The following RXRG variants were observed in gnomAD, a reference collection of about 807,000 sequenced individuals.
The protein encoded by RXRG is retinoic acid receptor RXR-gamma.
In RXRG, 19 loss-of-function variants were observed where a neutral mutation model predicts 49.2. That is an observed-to-expected ratio of 0.39 (90% confidence interval 0.27 to 0.57). The LOEUF (loss-of-function observed/expected upper bound fraction) is 0.57, where lower values mean the gene tolerates loss of function less well. Among genes scored for constraint, RXRG ranks in the 20% least tolerant of loss-of-function variants. The pLI is 0.64. For missense variants in RXRG, 452 were observed against 592.5 expected (o/e 0.76, Z 2.46); for synonymous variants, 224 against 216.6 (o/e 1.03, Z -0.30).
intron 2 of RXRG, among the ~76,000 whole-genome samples, chr1:165,425,481 G>A (rs926064358): frequency 2.6e-5 from 4 of 152,180 alleles, no homozygotes; most frequent in Admixed American, 6.5e-5. Context: ...TAGTTATTGG[G>A]ATGAATGTCA....
intron 9 of RXRG, 77 bp downstream of exon 9, chr1:165,406,735 C>T: frequency 9.8e-7 from 1 of 1,024,406 alleles, no homozygotes; most frequent in South Asian, 1.3e-5. Flanking sequence ...ACAGTGCCTG[C>T]TGCACTTTAG....
intron 9 of RXRG, among the ~76,000 whole-genome samples, chr1:165,405,592 T>C (rs2101703301): frequency 6.6e-6 from 1 of 152,344 alleles, no homozygotes; most frequent in Admixed American, 6.5e-5. Flanking sequence ...TTCCATCATC[T>C]GGATGCAAAA....
At chr1:165,407,326 G>A (rs1158292716) in intron 8 of RXRG, among the ~76,000 whole-genome samples, 2 of 152,216 alleles carry the variant, frequency 1.3e-5, no homozygotes, top group East Asian at 3.8e-4. Flanking sequence ...TGGAGATAAA[G>A]CCTCTGCATG....
Position 165,401,184 on chromosome 1 carries a change from T to C in RXRG, c.*79A>G. 1 of 1,367,570 alleles carries C rather than the reference T, an allele frequency of 7.3e-7. No individual in the cohort carries two copies. The highest frequency in any genetic ancestry group is 1.0e-6 in the Non-Finnish European group (1 of 987,408). The allele number at this position is 1,367,570 out of a possible 1,614,324, so 84.7% of individuals were successfully genotyped here. A position where few individuals can be genotyped will look rare whatever the true frequency, so the allele number is the denominator to read the frequency against. On this transcript the variant is annotated 3_prime_UTR_variant, in exon 10 of 10. Coordinates refer to ENST00000359842, the MANE Select transcript of RXRG (RefSeq NM_006917.5). ...ACAGGAAGGGGGTCAGGGTGGGAGG[T>C]GGAGGAAAGTGCAGGGTGGGGGTCC...
chr1:165,417,328 G>A lies in RXRG; in HGVS notation c.443-108C>T, dbSNP rs1658158052. 6.6e-6 allele frequency: 7 copies of A among 1,058,986 alleles called. No homozygotes were observed. The South Asian group carries it at 1.2e-4, about 18-fold the overall frequency. The allele number at this position is 1,058,986 out of a possible 1,614,324, so 65.6% of individuals were successfully genotyped here. ...CCCAGAGAAACAGGCATATCACTTG[G>A]GCATTGGGACAGAAAGCAAATAATC... is the stretch of plus-strand genomic sequence containing the variant. On this transcript the variant is annotated intron_variant, in intron 3 of 9. Transcript: ENST00000359842.
intron 1 of RXRG, among the ~76,000 whole-genome samples, chr1:165,432,917 C>T (rs1658714456): frequency 6.6e-6 from 1 of 152,104 alleles, no homozygotes; most frequent in African/African-American, 2.4e-5. Flanking sequence ...TGGGTGTGTC[C>T]CTCCAAAATT....
At position 165,445,015 on chromosome 1, in the gene RXRG, G is replaced by T; in HGVS notation, c.-122C>A. ...TAACAAGAGTGGTCATCGCTTCCTAGCAGCCCGGGGAGCACAGGCTGGGCC... is the reference window on the plus strand; with the variant it reads ...TAACAAGAGTGGTCATCGCTTCCTATCAGCCCGGGGAGCACAGGCTGGGCC... On this transcript the variant is annotated 5_prime_UTR_variant, in exon 1 of 10. Coordinates refer to ENST00000359842, the MANE Select transcript of RXRG (RefSeq NM_006917.5). The T allele has an allele frequency of 1.2e-6, 1 of 858,618 alleles. No homozygotes were observed. The highest frequency in any genetic ancestry group is 2.0e-6 in the Non-Finnish European group (1 of 510,280). The allele number at this position is 858,618 out of a possible 1,614,324, so 53.2% of individuals were successfully genotyped here.
intron 1 of RXRG, among the ~76,000 whole-genome samples, chr1:165,429,294 G>T (rs1304672885): frequency 6.6e-6 from 1 of 152,176 alleles, no homozygotes; most frequent in Non-Finnish European, 1.5e-5. Flanking sequence ...GAGTGACTGA[G>T]GCCTGGGCCA....
At chr1:165,410,598 G>T in intron 6 of RXRG, 104 bp downstream of exon 6, 1 of 1,297,706 alleles carries the variant, frequency 7.7e-7, no homozygotes, top group Non-Finnish European at 1.1e-6. Context: ...CATCAGCATG[G>T]TACATAGCTT....
At chr1:165,440,169 G>A (rs1658937335) in intron 1 of RXRG, among the ~76,000 whole-genome samples, 1 of 152,210 alleles carries the variant, frequency 6.6e-6, no homozygotes, top group Admixed American at 6.5e-5. Context: ...TATAGTACAT[G>A]GTAGAGCTGG....
At chr1:165,425,566 G>A (rs564781606) in intron 2 of RXRG, among the ~76,000 whole-genome samples, 10 of 152,144 alleles carry the variant, frequency 6.6e-5, no homozygotes, top group South Asian at 4.1e-4. Flanking sequence ...GATTTTACTC[G>A]CCTTCCTGGA....
At chr1:165,424,500 G>A (rs895624718) in intron 2 of RXRG, among the ~76,000 whole-genome samples, 3 of 152,216 alleles carry the variant, frequency 2.0e-5, no homozygotes, top group African/African-American at 7.2e-5. Flanking sequence ...ATCAGGGCAA[G>A]TATTTGTAAC....
chr1:165,435,650 G>T (rs972395957), intron 1 of RXRG, among the ~76,000 whole-genome samples: 1 of 152,216 alleles, frequency 6.6e-6, no homozygotes, highest in African/African-American at 2.4e-5. Context: ...GGATCATAAT[G>T]CATTCTTTTC....
intron 1 of RXRG, among the ~76,000 whole-genome samples, chr1:165,442,495 T>C (rs890825867): frequency 6.6e-6 from 1 of 152,238 alleles, no homozygotes; most frequent in African/African-American, 2.4e-5. Flanking sequence ...CTTCCATAGC[T>C]GAACCATTGT....
In RXRG at chr1:165,444,864, C is replaced by T. The variant is rs369411424; in HGVS notation, c.30G>A (p.Lys10=). The T allele has an allele frequency of 3.1e-6, 5 of 1,614,090 alleles. No individual in the cohort carries two copies. The highest frequency in any genetic ancestry group is 4.2e-6 in the Non-Finnish European group (5 of 1,180,032). MYGNYSHFM[K]FPAGYGGSPG... is the part of the protein sequence containing the mutation. ...ACTTACCTCCATAGCCTGCGGGAAA[C>T]TTCATGAAGTGAGAATAATTTCCAT... Residue 10 remains lysine (K), a synonymous_variant, in exon 1 of 10, where the codon AAG becomes AAA. Transcript: ENST00000359842.
chr1:165,418,276 C>T (rs1269811426), intron 3 of RXRG, among the ~76,000 whole-genome samples: 1 of 152,140 alleles, frequency 6.6e-6, no homozygotes, highest in East Asian at 1.9e-4. Flanking sequence ...CATCCTCAGA[C>T]AGGCATCATG....
intron 7 of RXRG, among the ~76,000 whole-genome samples, chr1:165,408,596 C>T (rs544820143): frequency 6.6e-6 from 1 of 152,246 alleles, no homozygotes; most frequent in East Asian, 1.9e-4. Context: ...GCAATGAACT[C>T]CAAGCAGGGA....
chr1:165,432,715 G>A (rs565692355), intron 1 of RXRG, among the ~76,000 whole-genome samples: 1 of 152,260 alleles, frequency 6.6e-6, no homozygotes, highest in African/African-American at 2.4e-5. Flanking sequence ...CTATGAACTA[G>A]GCAGAAAACT....
At position 165,444,895 on chromosome 1, in the gene RXRG, T is replaced by C; in HGVS notation, c.-2A>G. 6.2e-7 allele frequency: 1 copy of C among 1,613,972 alleles called. No homozygotes were observed. The highest frequency in any genetic ancestry group is 8.5e-7 in the Non-Finnish European group (1 of 1,179,844). Reference sequence around the variant, plus strand: ...GAAGTGAGAATAATTTCCATACATGTTTACTCGTCAGTTCATGTTCCTCTC... The same window carrying C: ...GAAGTGAGAATAATTTCCATACATGCTTACTCGTCAGTTCATGTTCCTCTC... On this transcript the variant is annotated 5_prime_UTR_variant, in exon 1 of 10. Coordinates refer to ENST00000359842, the MANE Select transcript of RXRG (RefSeq NM_006917.5).
Sources: allele counts gnomAD v4.1 joint callset (sites outside exome capture counted in the v4.1 genomes callset), GRCh38; gene constraint gnomAD v4.1.1; transcripts MANE v1.5; gene names NCBI Gene and HGNC (gene_info 2026-07-23, HGNC 2026-07-21).